KSR2: variants seen among roughly 807,000 people sequenced by gnomAD.
KSR2 encodes the protein kinase suppressor of ras 2.
In KSR2, 25 loss-of-function variants were observed where a neutral mutation model predicts 107.8. The ratio of observed to expected loss-of-function variants is 0.23; its 90% CI spans 0.17 to 0.32. The LOEUF is 0.32. Ranked by LOEUF, KSR2 falls within the 10% of genes least tolerant of loss-of-function variation. KSR2 has a pLI of 1.00. For missense variants in KSR2, 887 were observed against 1,268.9 expected (o/e 0.70, Z 4.57); for synonymous variants, 480 against 507.0 (o/e 0.95, Z 0.71).
intron 4 of KSR2, among the ~76,000 whole-genome samples, chr12:117,691,316 C>T (rs1169659815): frequency 6.6e-6 from 1 of 152,134 alleles, no homozygotes; most frequent in Non-Finnish European, 1.5e-5. Context: ...AATGACACAA[C>T]CCAGTGTCTT....
chr12:117,508,800 T>C (rs915058166), intron 14 of KSR2, among the ~76,000 whole-genome samples: 4 of 150,188 alleles, frequency 2.7e-5, no homozygotes, highest in African/African-American at 9.9e-5. Flanking sequence ...GGATAGGTGG[T>C]TAGTGGGTAG....
intron 14 of KSR2, among the ~76,000 whole-genome samples, chr12:117,494,307 A>G (rs1182732576): frequency 6.6e-6 from 1 of 152,114 alleles, no homozygotes; most frequent in Non-Finnish European, 1.5e-5. Context: ...ACACCTACCT[A>G]GACCCCATAG....
At chr12:117,848,590 G>A (rs1566047946) in intron 3 of KSR2, among the ~76,000 whole-genome samples, 1 of 152,242 alleles carries the variant, frequency 6.6e-6, no homozygotes, top group East Asian at 1.9e-4. Context: ...AGTGCTGAGG[G>A]AGACCGTGGC....
chr12:117,577,302 T>C (rs897635687), intron 7 of KSR2, among the ~76,000 whole-genome samples: 2 of 152,184 alleles, frequency 1.3e-5, no homozygotes, highest in Non-Finnish European at 2.9e-5. Context: ...AGTTGACTGT[T>C]ACTATTTTAT....
intron 4 of KSR2, among the ~76,000 whole-genome samples, chr12:117,727,212 T>TAA (rs56217436): frequency 4.9e-4 from 68 of 139,974 alleles, no homozygotes; most frequent in African/African-American, 5.8e-4. Flanking sequence ...CCCATCTCTA[T>TAA]AAAAAAAAAA....
At chr12:117,616,145 A>G (rs1477505772) in intron 5 of KSR2, among the ~76,000 whole-genome samples, 1 of 138,096 alleles carries the variant, frequency 7.2e-6, no homozygotes, top group Non-Finnish European at 1.5e-5. Flanking sequence ...TGGGTGACAG[A>G]GTGAGACCCT....
chr12:117,855,260 C>T (rs1427030409), intron 3 of KSR2, among the ~76,000 whole-genome samples, 168 bp downstream of exon 3: 3 of 152,188 alleles, frequency 2.0e-5, no homozygotes, highest in African/African-American at 4.8e-5. Context: ...TGGTGTCTTC[C>T]GGCCTCCAAA....
chr12:117,548,250 G>C (rs1426947424), intron 9 of KSR2, among the ~76,000 whole-genome samples: 1 of 151,988 alleles, frequency 6.6e-6, no homozygotes, highest in Non-Finnish European at 1.5e-5. Flanking sequence ...GAATAACACA[G>C]GTTTGCATTG....
At chr12:117,848,775 G>C (rs1892791934) in intron 3 of KSR2, among the ~76,000 whole-genome samples, 1 of 148,028 alleles carries the variant, frequency 6.8e-6, no homozygotes, top group Non-Finnish European at 1.5e-5. Context: ...TGGTGGTAAT[G>C]ATGGTGGTGG....
rs1181031631 is a variant in KSR2, at chr12:117,656,910, T to TTG, written c.1171+10562_1171+10563dup. Among the ~76,000 whole-genome samples, 67 of 125,014 alleles carry TTG rather than the reference T, an allele frequency of 5.4e-4. 2 individuals carry two copies. Among genetic ancestry groups the TTG allele is most frequent in the African/African-American group, 1.7e-3 (52 of 30,274 alleles). The allele number at this position is 125,014 out of a possible 152,430, so 82.0% of individuals were successfully genotyped here. A position where few individuals can be genotyped will look rare whatever the true frequency, so the allele number is the denominator to read the frequency against. On this transcript the variant is annotated intron_variant, in intron 5 of 19. Transcript: ENST00000339824. ...AAGTTAATACTTAATAAACTCCCCT[T>TTG]TGTGTGTGTGTGTATACATATATAT... is the stretch of plus-strand genomic sequence containing the variant.
intron 14 of KSR2, among the ~76,000 whole-genome samples, chr12:117,513,805 G>A (rs1874188963): frequency 6.6e-6 from 1 of 152,142 alleles, no homozygotes; most frequent in Non-Finnish European, 1.5e-5. Context: ...TATGACCTTG[G>A]GCAAAATCGT....
intron 16 of KSR2, 55 bp from the exon 17 acceptor site, chr12:117,476,650 C>A: frequency 6.5e-7 from 1 of 1,538,824 alleles, no homozygotes; most frequent in South Asian, 1.2e-5. Flanking sequence ...GTGGACCAGT[C>A]CCCCTGGCAC....
chr12:117,556,700 G>C, intron 8 of KSR2, among the ~76,000 whole-genome samples: 1 of 152,116 alleles, frequency 6.6e-6, no homozygotes, highest in East Asian at 1.9e-4. Flanking sequence ...GGGAGACGGG[G>C]GTGGGCAAGT....
At chr12:117,843,211 G>A (rs965013005) in intron 3 of KSR2, among the ~76,000 whole-genome samples, 15 of 152,164 alleles carry the variant, frequency 9.9e-5, no homozygotes, top group African/African-American at 2.2e-4. Context: ...AGGGAACACC[G>A]AGGGATGAAG....
chr12:117,869,876 G>A (rs1042164987), intron 1 of KSR2, among the ~76,000 whole-genome samples: 1 of 152,178 alleles, frequency 6.6e-6, no homozygotes, highest in Non-Finnish European at 1.5e-5. Context: ...GCCTGGCATC[G>A]CAAGCCAAGT....
intron 1 of KSR2, among the ~76,000 whole-genome samples, chr12:117,950,529 G>A (rs1044284484): frequency 8.6e-5 from 13 of 151,966 alleles, no homozygotes; most frequent in African/African-American, 3.1e-4. Context: ...GAACCCAGGA[G>A]TTGGAGACCA....
chr12:117,471,150 CT>C, intron 18 of KSR2, 40 bp downstream of exon 18: 1 of 1,608,006 alleles, frequency 6.2e-7, no homozygotes, highest in Middle Eastern at 1.7e-4. Context: ...GTGTCTGTGT[CT>C]CCCCTCATCC....
At chr12:117,926,408 A>G (rs1895519957) in intron 1 of KSR2, among the ~76,000 whole-genome samples, 1 of 152,234 alleles carries the variant, frequency 6.6e-6, no homozygotes, top group Non-Finnish European at 1.5e-5. Context: ...GATGCTCCAT[A>G]ATTCCTAATT....
chr12:117,748,077 T>G (rs1888476878), intron 4 of KSR2, among the ~76,000 whole-genome samples: 1 of 139,362 alleles, frequency 7.2e-6, no homozygotes, highest in Non-Finnish European at 1.6e-5. Flanking sequence ...GATGAATGGA[T>G]AAAGAAAATG....
Sources: gnomAD v4.1 joint callset for allele counts (sites outside exome capture counted in the v4.1 genomes callset) on GRCh38, gnomAD v4.1.1 for gene constraint, MANE v1.5 for transcripts, NCBI Gene and HGNC (gene_info 2026-07-23, HGNC 2026-07-21) for gene names.